CPT1A: variants seen among roughly 807,000 people sequenced by gnomAD.
The protein encoded by CPT1A is carnitine O-palmitoyltransferase 1, liver isoform.
Under a neutral mutation model 100.8 loss-of-function variants are expected in CPT1A, and 64 were observed. That is an observed-to-expected ratio of 0.63 (90% CI 0.52 to 0.78). The LOEUF (loss-of-function observed/expected upper bound fraction) is 0.78, where lower values mean the gene tolerates loss of function less well. CPT1A is among the 30% of genes least tolerant of loss of function. The pLI is 0.00. For synonymous variants in CPT1A, 363 were observed against 396.0 expected (o/e 0.92, Z 0.99); for missense variants, 802 against 1,034.1 (o/e 0.78, Z 3.08).
chr11:68,830,014 C>T (rs113844160), intron 1 of CPT1A, among the ~76,000 whole-genome samples: 2,463 of 152,242 alleles, frequency 0.016, 75 homozygotes, highest in African/African-American at 0.056. Context: ...CAGTGGCTCA[C>T]ACCTGAAATC....
intron 8 of CPT1A, 28 bp from the exon 9 acceptor site, chr11:68,793,430 C>T (rs1254116463): frequency 1.3e-6 from 2 of 1,563,442 alleles, no homozygotes; most frequent in Admixed American, 1.8e-5. Context: ...TTCAAACCAA[C>T]AACGAAAATC....
intron 14 of CPT1A, among the ~76,000 whole-genome samples, chr11:68,767,419 T>A (rs1424144810): frequency 6.6e-6 from 1 of 152,084 alleles, no homozygotes; most frequent in African/African-American, 2.4e-5. Flanking sequence ...TGAAACCCCA[T>A]CTCTACAAAA....
intron 4 of CPT1A, among the ~76,000 whole-genome samples, chr11:68,805,125 T>C (rs1161600980): frequency 6.6e-6 from 1 of 152,218 alleles, no homozygotes; most frequent in African/African-American, 2.4e-5. Flanking sequence ...AGAAATTTTA[T>C]ATCCAAATGG....
rs762960956 is a variant in CPT1A at position 68,761,523 on chromosome 11, G to C, written c.2028+12C>G. 6.2e-7 allele frequency: 1 copy of C among 1,613,474 alleles called. No homozygotes were observed. The highest frequency in any genetic ancestry group is 8.5e-7 in the Non-Finnish European group (1 of 1,179,560). Reference sequence around the variant, plus strand: ...GCCAATACAACTGACGGAAGAAGTGGAAGAGACTTACTTCCTTAAGGAAAG... The same window carrying C: ...GCCAATACAACTGACGGAAGAAGTGCAAGAGACTTACTTCCTTAAGGAAAG... On this transcript the variant is annotated intron_variant, in intron 16 of 18. Coordinates refer to ENST00000265641, the MANE Select transcript of CPT1A (RefSeq NM_001876.4).
intron 9 of CPT1A, chr11:68,785,980 C>T: frequency 1.4e-6 from 1 of 701,298 alleles, no homozygotes; most frequent in East Asian, 2.7e-5. Context: ...TTTATCAAGT[C>T]CTCTTAAGCA....
rs1297730282 is a variant in CPT1A, at chr11:68,799,280, C to G, written c.631G>C (p.Val211Leu). The G allele has an allele frequency of 1.2e-6, 2 of 1,613,978 alleles. No individual in the cohort carries two copies. The highest frequency in any genetic ancestry group is 1.7e-6 in the Non-Finnish European group (2 of 1,179,972). ...CACTGTAATCTTGGTCCAAGACCGA[C>G]AGCAAAATCTTGAGCAAGTGCTGTC... ...RMTALAQDFA[V>L]GLGPRLQWYL... is the part of the protein sequence containing the mutation. Residue 211 changes from valine (V) to leucine (L), a missense_variant, in exon 6 of 19, where the codon GTC becomes CTC. Physicochemically the swap from Val to Leu is conservative, Grantham distance 32. Around this residue, in one of 4 missense-constraint regions of CPT1A, gnomAD observed 627 missense variants for 799.3 expected, o/e 0.78. Coordinates refer to ENST00000265641, the MANE Select transcript of CPT1A (RefSeq NM_001876.4).
chr11:68,815,238 C>T (rs1434459829), intron 2 of CPT1A, 96 bp downstream of exon 2: 15 of 1,266,550 alleles, frequency 1.2e-5, no homozygotes, highest in Middle Eastern at 2.6e-4. Context: ...GATATGCAGT[C>T]GCCAGTCTGA....
chr11:68,799,278 G>A lies in CPT1A; in HGVS notation c.633C>T (p.Val211=), dbSNP rs775908039. ...ACCACTGTAATCTTGGTCCAAGACC[G>A]ACAGCAAAATCTTGAGCAAGTGCTG... ...RMTALAQDFA[V]GLGPRLQWYL... The change falls in exon 6 of 19, where the codon GTC becomes GTT. Residue 211 remains valine (V), a synonymous_variant. Transcript: ENST00000265641. 5.3e-5 allele frequency: 85 copies of A among 1,613,858 alleles called. No individual in the cohort carries two copies. Among genetic ancestry groups the A allele is most frequent in the Non-Finnish European group, 6.8e-5 (80 of 1,179,946 alleles).
At chr11:68,824,483 T>A (rs566854775) in intron 1 of CPT1A, among the ~76,000 whole-genome samples, 2 of 152,150 alleles carry the variant, frequency 1.3e-5, no homozygotes, top group South Asian at 2.1e-4. Flanking sequence ...AAATTAAATT[T>A]AAAAAAAGAC....
intron 9 of CPT1A, among the ~76,000 whole-genome samples, chr11:68,790,587 C>T (rs527437325): frequency 6.6e-6 from 1 of 152,204 alleles, no homozygotes; most frequent in South Asian, 2.1e-4. Context: ...TAAAGGCCTC[C>T]CCCAGAGCCT....
chr11:68,776,943 G>T (rs1377035778), intron 12 of CPT1A, among the ~76,000 whole-genome samples: 1 of 152,188 alleles, frequency 6.6e-6, no homozygotes, highest in Non-Finnish European at 1.5e-5. Flanking sequence ...ATTCTAGTGA[G>T]GGAGGTAAAA....
At chr11:68,832,630 C>T (rs1856907914) in intron 1 of CPT1A, among the ~76,000 whole-genome samples, 2 of 152,174 alleles carry the variant, frequency 1.3e-5, no homozygotes, top group African/African-American at 4.8e-5. Context: ...AGATTGCAGC[C>T]AGCAATAAAA....
intron 8 of CPT1A, among the ~76,000 whole-genome samples, chr11:68,793,977 A>T (rs1206216420): frequency 6.6e-6 from 1 of 152,148 alleles, no homozygotes; most frequent in African/African-American, 2.4e-5. Context: ...GACACTTACA[A>T]CCAAAGAAAT....
intron 1 of CPT1A, among the ~76,000 whole-genome samples, chr11:68,817,030 G>A (rs12283783): frequency 5.9e-5 from 3 of 50,572 alleles, no homozygotes; most frequent in Non-Finnish European, 1.4e-4. Context: ...TGTGTGTGTG[G>A]GTGTGTGGTG....
At chr11:68,762,795 G>T in intron 14 of CPT1A, 34 bp from the exon 15 acceptor site, 1 of 1,613,450 alleles carries the variant, frequency 6.2e-7, no homozygotes, top group Non-Finnish European at 8.5e-7. Context: ...TGCACGGCAG[G>T]GCATGCTGAT....
intron 5 of CPT1A, among the ~76,000 whole-genome samples, chr11:68,800,490 CAAAA>C (rs57450875): frequency 2.5e-5 from 2 of 78,976 alleles, no homozygotes; most frequent in African/African-American, 4.1e-5. Flanking sequence ...CCCATCTCTG[CAAAA>C]AAAAAAAAAA....
At chr11:68,779,795 CAAA>C in intron 12 of CPT1A, among the ~76,000 whole-genome samples, 1 of 124,046 alleles carries the variant, frequency 8.1e-6, no homozygotes, top group Non-Finnish European at 1.6e-5. Flanking sequence ...GACCCTGTCT[CAAA>C]AAAAAAAAAA....
chr11:68,793,381 T>C lies in CPT1A; in HGVS notation c.901A>G (p.Ile301Val). The change falls in exon 9 of 19, where the codon ATT becomes GTT. Residue 301 changes from isoleucine (I) to valine (V), a missense_variant. Physicochemically the swap from Ile to Val is conservative, Grantham distance 29 (BLOSUM62 3). Coordinates refer to ENST00000265641, the MANE Select transcript of CPT1A (RefSeq NM_001876.4). Reference sequence around the variant, plus strand: ...TCCCACTGAGCGGAGCAGAGTGGAATCGTGGATCCCAAAAGACGAATCTGT... The same window carrying C: ...TCCCACTGAGCGGAGCAGAGTGGAACCGTGGATCCCAAAAGACGAATCTGT... ...IKPIRLLGST[I>V]PLCSAQWERM... 6.2e-7 allele frequency: 1 copy of C among 1,611,438 alleles called. No homozygotes were observed. The highest frequency in any genetic ancestry group is 1.1e-5 in the South Asian group (1 of 90,576).
At chr11:68,812,367 G>A in intron 3 of CPT1A, 70 bp downstream of exon 3, 1 of 1,572,172 alleles carries the variant, frequency 6.4e-7, no homozygotes, top group Non-Finnish European at 8.8e-7. Context: ...CATCACATTT[G>A]AAGAGACATA....
Sources: gnomAD v4.1 joint callset for allele counts (sites outside exome capture counted in the v4.1 genomes callset) on GRCh38, gnomAD v4.1.1 for gene constraint, gnomAD v4.1.1 regional missense constraint, MANE v1.5 for transcripts, NCBI Gene and HGNC (gene_info 2026-07-23, HGNC 2026-07-21) for gene names.